The following SLC38A6 variants were observed in gnomAD, a reference collection of about 807,000 sequenced individuals.
SLC38A6 encodes the protein solute carrier family 38 member 6.
A neutral mutation model predicts 65.0 loss-of-function variants in SLC38A6; 73 were observed. That is an observed-to-expected ratio of 1.12 (90% confidence interval 0.93 to 1.37). The LOEUF is 1.37. SLC38A6 is among the 40% of genes most tolerant of loss of function. The pLI, the probability that SLC38A6 is intolerant of heterozygous loss-of-function variation, is 0.00. For missense variants in SLC38A6, 561 were observed against 531.1 expected (o/e 1.06, Z -0.55); for synonymous variants, 183 against 178.8 (o/e 1.02, Z -0.19).
chr14:60,997,187 T>C (rs751497180), intron 3 of SLC38A6, among the ~76,000 whole-genome samples: 19 of 152,018 alleles, frequency 1.2e-4, no homozygotes, highest in Non-Finnish European at 2.4e-4. Flanking sequence ...AGTGCAGTGG[T>C]GTAATCTTGG....
chr14:61,036,960 C>CTG (rs34977105), intron 6 of SLC38A6, 99 bp from the exon 7 acceptor site: 90,875 of 430,894 alleles, frequency 0.21, 2,860 homozygotes, highest in Non-Finnish European at 0.22. Flanking sequence ...GGTTATAACT[C>CTG]TGTGTGTGTG....
At chr14:61,066,865 C>T (rs542107171) in intron 15 of SLC38A6, among the ~76,000 whole-genome samples, 5 of 152,186 alleles carry the variant, frequency 3.3e-5, no homozygotes, top group Admixed American at 3.3e-4. Context: ...TAGTGTTCAT[C>T]AGTGGACAGA....
chr14:61,064,521 T>G (rs754401895), intron 15 of SLC38A6, among the ~76,000 whole-genome samples: 8 of 150,434 alleles, frequency 5.3e-5, no homozygotes, highest in Non-Finnish European at 1.0e-4. Flanking sequence ...GCAAGAAAAA[T>G]TATTTGTGCA....
intron 12 of SLC38A6, among the ~76,000 whole-genome samples, chr14:61,047,621 T>C (rs980946981): frequency 6.6e-6 from 1 of 152,106 alleles, no homozygotes; most frequent in Admixed American, 6.6e-5. Context: ...AGGTGATCTT[T>C]TAGAAAAATA....
intron 3 of SLC38A6, among the ~76,000 whole-genome samples, chr14:61,005,895 G>A (rs1201876189): frequency 6.6e-6 from 1 of 152,072 alleles, no homozygotes; most frequent in Admixed American, 6.6e-5. Flanking sequence ...AAAGAACAAA[G>A]CTGGAGGCAT....
At chr14:60,982,469 G>T in intron 1 of SLC38A6, 39 bp from the exon 2 acceptor site, 2 of 1,584,596 alleles carry the variant, frequency 1.3e-6, no homozygotes, top group Non-Finnish European at 1.7e-6. Flanking sequence ...TAACTTCACC[G>T]TCCAAACATT....
chr14:61,052,436 T>C lies in SLC38A6; in HGVS notation c.*7T>C. 1 of 1,558,498 alleles carries C rather than the reference T, an allele frequency of 6.4e-7. No individual in the cohort carries two copies. Among genetic ancestry groups the C allele is most frequent in the Non-Finnish European group, 8.6e-7 (1 of 1,156,254 alleles). ...TGATTGGATTAATAAATAAAAGAAA[T>C]ATTTTCCTACTTCTTACAAGAATAA... On this transcript the variant is annotated 3_prime_UTR_variant, in exon 16 of 16. Coordinates refer to ENST00000267488, the MANE Select transcript of SLC38A6 (RefSeq NM_153811.3).
intron 15 of SLC38A6, among the ~76,000 whole-genome samples, chr14:61,065,532 CT>C (rs1359159862): frequency 6.6e-6 from 1 of 152,152 alleles, no homozygotes; most frequent in Non-Finnish European, 1.5e-5. Flanking sequence ...CCTTTAAGAA[CT>C]TTACAATTTT....
chr14:61,062,937 C>T (rs547707807), intron 15 of SLC38A6, among the ~76,000 whole-genome samples: 25 of 152,198 alleles, frequency 1.6e-4, no homozygotes, highest in Non-Finnish European at 2.5e-4. Context: ...CCTCAGCCTC[C>T]CAAAGTGCTG....
intron 8 of SLC38A6, among the ~76,000 whole-genome samples, chr14:61,042,626 T>C (rs996423032): frequency 3.3e-5 from 5 of 152,156 alleles, no homozygotes; most frequent in African/African-American, 1.2e-4. Flanking sequence ...GCCAGCTTTC[T>C]CCACATTAAC....
At chr14:60,982,897 T>C (rs1049476918) in intron 2 of SLC38A6, among the ~76,000 whole-genome samples, 4 of 152,182 alleles carry the variant, frequency 2.6e-5, no homozygotes, top group Non-Finnish European at 4.4e-5. Flanking sequence ...ATATGACACT[T>C]AAGAGTGGCA....
Position 61,052,035 on chromosome 14 carries a change from T to C in SLC38A6, c.1196-6T>C, listed in dbSNP as rs2042532923. On this transcript the variant is annotated splice_region_variant and splice_polypyrimidine_tract_variant and intron_variant, in intron 14 of 15. Transcript: ENST00000267488. ...ATCCTCTCTTTTTTTTCCCTCCACT[T>C]TAAAGGTGCCAGTACATCAACATGT... 6.2e-7 allele frequency: 1 copy of C among 1,601,874 alleles called. No individual in the cohort carries two copies. The highest frequency in any genetic ancestry group is 8.5e-7 in the Non-Finnish European group (1 of 1,175,894).
intron 13 of SLC38A6, 119 bp downstream of exon 13, chr14:61,050,755 T>C: frequency 1.0e-6 from 1 of 952,584 alleles, no homozygotes; most frequent in Non-Finnish European, 1.4e-6. Flanking sequence ...TATTCACTTG[T>C]CAAGTAATTG....
chr14:61,050,437 G>C, intron 12 of SLC38A6, 75 bp from the exon 13 acceptor site: 1 of 1,031,388 alleles, frequency 9.7e-7, no homozygotes, highest in Non-Finnish European at 1.3e-6. Flanking sequence ...TCATCCATTA[G>C]TGCAAAGGAA....
At chr14:60,981,650 G>A (rs1438810108) in intron 1 of SLC38A6, 3 of 1,437,734 alleles carry the variant, frequency 2.1e-6, no homozygotes, top group Admixed American at 2.1e-5. Context: ...CTGCGAACAT[G>A]ATGGGATGAG....
In SLC38A6 at chr14:61,043,106, A is replaced by G. The variant is rs373448076; in HGVS notation, c.625-41A>G. ...TTCAATTCAGTTTCTTATTAATTTT[A>G]TAAGAAATGATCTGAGTGCTGATTC... On this transcript the variant is annotated intron_variant, in intron 8 of 15. Coordinates refer to ENST00000267488, the MANE Select transcript of SLC38A6 (RefSeq NM_153811.3). 91 of 1,242,234 alleles carry G rather than the reference A, an allele frequency of 7.3e-5. 1 individual carries two copies. The highest frequency in any genetic ancestry group is 1.0e-4 in the Non-Finnish European group (90 of 874,858). 77.0% of individuals were successfully genotyped at this position (1,242,234 alleles called of 1,614,324 possible).
chr14:61,030,695 C>T, intron 6 of SLC38A6, 172 bp downstream of exon 6: 1 of 521,796 alleles, frequency 1.9e-6, no homozygotes, highest in East Asian at 3.2e-5. Flanking sequence ...ACTACTCAGC[C>T]AATGTTTGAT....
chr14:60,996,595 A>G (rs974168287), intron 3 of SLC38A6, among the ~76,000 whole-genome samples: 2 of 152,206 alleles, frequency 1.3e-5, no homozygotes, highest in African/African-American at 4.8e-5. Flanking sequence ...AAATTGATGT[A>G]ACTGAAGGAA....
chr14:61,043,235 C>A (rs1465877891), intron 9 of SLC38A6, 23 bp downstream of exon 9: 1 of 1,371,596 alleles, frequency 7.3e-7, no homozygotes, highest in South Asian at 1.3e-5. Flanking sequence ...ATTTTCTTTT[C>A]AGTTTCTTCC....
Sources: gnomAD v4.1 joint callset for allele counts (sites outside exome capture counted in the v4.1 genomes callset) on GRCh38, gnomAD v4.1.1 for gene constraint, MANE v1.5 for transcripts, NCBI Gene and HGNC (gene_info 2026-07-23, HGNC 2026-07-21) for gene names.